CCDC91: variants seen among roughly 807,000 people sequenced by gnomAD.
CCDC91 encodes coiled-coil domain-containing protein 91.
A neutral mutation model predicts 63.2 loss-of-function variants in CCDC91; 48 were observed. The observed-to-expected ratio is 0.76, with a 90% CI of 0.60 to 0.97. The LOEUF (loss-of-function observed/expected upper bound fraction) is 0.97, where lower values mean the gene tolerates loss of function less well. CCDC91 is among the 50% of genes least tolerant of loss of function. CCDC91 has a pLI of 0.00. For missense variants in CCDC91, 500 were observed against 494.6 expected (o/e 1.01, Z -0.10); for synonymous variants, 167 against 165.8 (o/e 1.01, Z -0.06).
At chr12:28,396,745 TAATA>T (rs1311884472) in intron 8 of CCDC91, among the ~76,000 whole-genome samples, 1 of 151,972 alleles carries the variant, frequency 6.6e-6, no homozygotes. Context: ...TGTTTTTATG[TAATA>T]GAATATATTT....
chr12:28,465,046 A>G lies in CCDC91; in HGVS notation c.1101+12392A>G, dbSNP rs558070425. 5.3e-5 allele frequency among the ~76,000 whole-genome samples: 8 copies of G among 152,246 alleles called. No individual in the cohort carries two copies. The South Asian group carries it at 1.7e-3, about 32-fold the overall frequency. On this transcript the variant is annotated intron_variant, in intron 11 of 12. Coordinates refer to ENST00000536442, the MANE Select transcript of CCDC91 (RefSeq NM_018318.5). Reference sequence around the variant, plus strand: ...GGGCCTTAAGGGCTCATGAGCAGTAATCTGACATTACTTTCTGTAGGTCTG... The same window carrying G: ...GGGCCTTAAGGGCTCATGAGCAGTAGTCTGACATTACTTTCTGTAGGTCTG...
At chr12:28,304,375 T>TAAAAAAAAAAAAA (rs777296414) in intron 3 of CCDC91, among the ~76,000 whole-genome samples, 23 of 73,590 alleles carry the variant, frequency 3.1e-4, no homozygotes, top group African/African-American at 1.1e-3. Context: ...AGACTCCGTC[T>TAAAAAAAAAAAAA]AAAAAAAAAA....
Position 28,362,504 on chromosome 12 carries a change from G to T in CCDC91, c.643G>T (p.Asp215Tyr), listed in dbSNP as rs781406194. Reference protein sequence around the residue: ...AGHEALSIIVDEYKALLQSSV... With the variant: ...AGHEALSIIVYEYKALLQSSV... ...TCACGAAGCCCTCAGCATTATTGTGGATGAATATAAGGTAGAGGTTTGAGA... is the reference window on the plus strand; with the variant it reads ...TCACGAAGCCCTCAGCATTATTGTGTATGAATATAAGGTAGAGGTTTGAGA... Residue 215 changes from aspartate to tyrosine, a missense_variant, in exon 7 of 13, where the codon GAT becomes TAT. Physicochemically the swap from Asp to Tyr is radical, Grantham distance 160. Transcript: ENST00000536442. 3.8e-6 allele frequency: 6 copies of T among 1,591,564 alleles called. No individual in the cohort carries two copies. The highest frequency in any genetic ancestry group is 5.1e-6 in the Non-Finnish European group (6 of 1,168,116).
chr12:28,452,483 A>C lies in CCDC91; in HGVS notation c.930A>C (p.Glu310Asp). The C allele has an allele frequency of 6.4e-7, 1 of 1,553,262 alleles. No individual in the cohort carries two copies. Among genetic ancestry groups the C allele is most frequent in the Non-Finnish European group, 8.7e-7 (1 of 1,148,360 alleles). ...KEALVSAAKLEKEAVKDAVLK... is the reference protein window; with the variant it reads ...KEALVSAAKLDKEAVKDAVLK... ...GGTCTTTATTTATTTTGAAGCTTGA[A>C]AAAGAAGCAGTGAAGGATGCAGTTT... The change falls in exon 11 of 13, where the codon GAA becomes GAC. Residue 310 changes from glutamate (E) to aspartate (D), a missense_variant. By Grantham distance (45) the Glu-to-Asp change is conservative. Transcript: ENST00000536442.
At chr12:28,382,611 G>T (rs1172799190) in intron 7 of CCDC91, among the ~76,000 whole-genome samples, 3 of 152,118 alleles carry the variant, frequency 2.0e-5, no homozygotes, top group Non-Finnish European at 4.4e-5. Context: ...ACCAACAGAA[G>T]AGGAGTTGTA....
intron 12 of CCDC91, among the ~76,000 whole-genome samples, chr12:28,543,834 A>G (rs1296264838): frequency 6.6e-6 from 1 of 151,982 alleles, no homozygotes; most frequent in Admixed American, 6.6e-5. Flanking sequence ...AGGATAGGAC[A>G]CTATTATTCA....
intron 11 of CCDC91, among the ~76,000 whole-genome samples, chr12:28,468,115 A>G (rs1417390775): frequency 6.6e-6 from 1 of 152,022 alleles, no homozygotes; most frequent in Non-Finnish European, 1.5e-5. Flanking sequence ...ACTGACATGA[A>G]GAAAACAATA....
chr12:28,434,317 C>A (rs1182873415), intron 8 of CCDC91, among the ~76,000 whole-genome samples: 2 of 151,452 alleles, frequency 1.3e-5, no homozygotes, highest in Admixed American at 6.6e-5. Flanking sequence ...TTAAAAAAAT[C>A]ATGAATACCG....
At chr12:28,465,835 A>C (rs1159834752) in intron 11 of CCDC91, among the ~76,000 whole-genome samples, 1 of 152,226 alleles carries the variant, frequency 6.6e-6, no homozygotes, top group African/African-American at 2.4e-5. Flanking sequence ...ATAAGACACC[A>C]GAGACCAATT....
intron 11 of CCDC91, among the ~76,000 whole-genome samples, chr12:28,479,499 G>T (rs969405958): frequency 1.3e-5 from 2 of 152,062 alleles, no homozygotes; most frequent in Non-Finnish European, 2.9e-5. Flanking sequence ...AGCATTAGGA[G>T]ATATACCTAA....
intron 6 of CCDC91, among the ~76,000 whole-genome samples, chr12:28,330,600 A>G (rs1341403451): frequency 6.6e-6 from 1 of 152,096 alleles, no homozygotes; most frequent in African/African-American, 2.4e-5. Flanking sequence ...TTTGCCGTGC[A>G]GAAGCTCTTT....
chr12:28,476,844 C>G (rs1951125289), intron 11 of CCDC91, among the ~76,000 whole-genome samples: 2 of 152,170 alleles, frequency 1.3e-5, no homozygotes, highest in Non-Finnish European at 2.9e-5. Context: ...ATAAACACCT[C>G]TATGCAAATA....
chr12:28,443,152 G>C (rs2140245641), intron 8 of CCDC91, among the ~76,000 whole-genome samples: 1 of 91,570 alleles, frequency 1.1e-5, no homozygotes, highest in East Asian at 3.2e-4. Flanking sequence ...CCCAGGTCTA[G>C]TTTAATGAAT....
chr12:28,433,241 T>G (rs1448044363), intron 8 of CCDC91, among the ~76,000 whole-genome samples: 1 of 151,956 alleles, frequency 6.6e-6, no homozygotes, highest in Non-Finnish European at 1.5e-5. Context: ...TATCCCATTT[T>G]TGTGTGTGTG....
At chr12:28,514,280 A>AT (rs1159676501) in intron 12 of CCDC91, among the ~76,000 whole-genome samples, 7 of 151,876 alleles carry the variant, frequency 4.6e-5, no homozygotes, top group Non-Finnish European at 8.8e-5. Context: ...GTGTCTGTTA[A>AT]TGTTCTTTGC....
intron 3 of CCDC91, among the ~76,000 whole-genome samples, chr12:28,304,337 A>G (rs1363217024): frequency 7.5e-6 from 1 of 134,104 alleles, no homozygotes; most frequent in African/African-American, 2.7e-5. Flanking sequence ...AGATCACGCC[A>G]TTGTACTCCA....
chr12:28,462,412 A>G (rs1950351017), intron 11 of CCDC91, among the ~76,000 whole-genome samples: 1 of 152,084 alleles, frequency 6.6e-6, no homozygotes, highest in South Asian at 2.1e-4. Flanking sequence ...TACCTAATTA[A>G]TATATGGAAC....
intron 12 of CCDC91, among the ~76,000 whole-genome samples, chr12:28,524,244 A>G (rs1293575413): frequency 6.6e-6 from 1 of 152,094 alleles, no homozygotes; most frequent in African/African-American, 2.4e-5. Flanking sequence ...GTTCAGTATT[A>G]TGTTGGCTGT....
intron 12 of CCDC91, among the ~76,000 whole-genome samples, chr12:28,501,331 T>C (rs1937824765): frequency 6.6e-6 from 1 of 151,838 alleles, no homozygotes. Flanking sequence ...CAGTATGATA[T>C]TGGCTGTGGG....
Sources: gnomAD v4.1 joint callset for allele counts (sites outside exome capture counted in the v4.1 genomes callset) on GRCh38, gnomAD v4.1.1 for gene constraint, MANE v1.5 for transcripts, NCBI Gene and HGNC (gene_info 2026-07-23, HGNC 2026-07-21) for gene names.